The following GRAMD4 variants were observed in gnomAD, a reference collection of about 807,000 sequenced individuals.
GRAMD4 encodes the protein GRAM domain containing 4.
A neutral mutation model predicts 83.9 loss-of-function variants in GRAMD4; 25 were observed. The observed-to-expected ratio is 0.30, with a 90% CI of 0.22 to 0.42. The LOEUF (loss-of-function observed/expected upper bound fraction) is 0.42, where lower values mean the gene tolerates loss of function less well. GRAMD4 is among the 10% of genes least tolerant of loss of function. GRAMD4 has a pLI of 1.00. For synonymous variants in GRAMD4, 336 were observed against 320.9 expected, an observed-to-expected ratio of 1.05 and a Z score of -0.50; for missense variants, 593 against 788.7, an observed-to-expected ratio of 0.75 and a Z score of 2.97.
intron 1 of GRAMD4, among the ~76,000 whole-genome samples, chr22:46,577,500 C>T (rs2147881197): frequency 6.6e-6 from 1 of 150,992 alleles, no homozygotes; most frequent in Non-Finnish European, 1.5e-5. Context: ...GTCACGGCTG[C>T]TCCCCGCGGG....
intron 1 of GRAMD4, among the ~76,000 whole-genome samples, chr22:46,601,312 C>T (rs146876654): frequency 6.6e-6 from 1 of 152,082 alleles, no homozygotes; most frequent in Non-Finnish European, 1.5e-5. Context: ...GAAAGGCAAG[C>T]AGCATTTTAG....
At chr22:46,628,045 C>T (rs1007619425) in intron 2 of GRAMD4, among the ~76,000 whole-genome samples, 6 of 152,196 alleles carry the variant, frequency 3.9e-5, no homozygotes, top group African/African-American at 9.6e-5. Flanking sequence ...GTGTCTCATC[C>T]GCCTCTGGCT....
At chr22:46,641,538 G>A (rs577773305) in intron 3 of GRAMD4, among the ~76,000 whole-genome samples, 3 of 152,294 alleles carry the variant, frequency 2.0e-5, no homozygotes, top group South Asian at 2.1e-4. Flanking sequence ...TTGACCCTGC[G>A]GGTTCTCTGC....
intron 1 of GRAMD4, among the ~76,000 whole-genome samples, chr22:46,585,696 TG>T (rs1334936962): frequency 6.6e-6 from 1 of 151,990 alleles, no homozygotes. Context: ...AGGGAGCTTG[TG>T]GGAGGTGGAA....
At position 46,661,537 on chromosome 22, in the gene GRAMD4, A is replaced by G. The variant is rs1299603089; in HGVS notation, c.466+95A>G. On this transcript the variant is annotated intron_variant, in intron 5 of 18. Transcript: ENST00000406902. ...TAGGCCCAGGTTAACAATGGAGCAG[A>G]TACCCCCTCCCCCAGCAGGTGGGCA... 6 of 872,772 alleles carry G rather than the reference A, an allele frequency of 6.9e-6. No homozygotes were observed. The East Asian group carries it at 1.5e-4, about 22-fold the overall frequency. The allele number at this position is 872,772 out of a possible 1,614,324, so 54.1% of individuals were successfully genotyped here. A position where few individuals can be genotyped will look rare whatever the true frequency, so the allele number is the denominator to read the frequency against.
intron 2 of GRAMD4, among the ~76,000 whole-genome samples, chr22:46,633,246 C>T (rs2081803661): frequency 6.6e-6 from 1 of 152,248 alleles, no homozygotes; most frequent in African/African-American, 2.4e-5. Context: ...GTGGGCCTTC[C>T]TCCCCTGACC....
In GRAMD4 at chr22:46,679,397, G is replaced by A. The variant is rs191689883; in HGVS notation, c.*2146G>A. ...TCGGGGAGCGGGGGGTCGGGGGAGGGCCACCGACTGGCTCTGCTGCCAGCA... is the reference window on the plus strand; with the variant it reads ...TCGGGGAGCGGGGGGTCGGGGGAGGACCACCGACTGGCTCTGCTGCCAGCA... On this transcript the variant is annotated 3_prime_UTR_variant, in exon 19 of 19. Transcript: ENST00000406902. 1.3e-5 allele frequency: 13 copies of A among 985,410 alleles called. No individual in the cohort carries two copies. The African/African-American group carries it at 2.3e-4, about 17-fold the overall frequency. The allele number at this position is 985,410 out of a possible 1,614,324, so 61.0% of individuals were successfully genotyped here.
chr22:46,669,649 C>T (rs944285004), intron 13 of GRAMD4, among the ~76,000 whole-genome samples: 14 of 151,104 alleles, frequency 9.3e-5, no homozygotes, highest in African/African-American at 1.5e-4. Flanking sequence ...GATCTCGGCT[C>T]ACTGCAACCT....
At chr22:46,663,545 C>A (rs1038478991) in intron 6 of GRAMD4, among the ~76,000 whole-genome samples, 10 of 152,210 alleles carry the variant, frequency 6.6e-5, no homozygotes, top group Non-Finnish European at 1.5e-4. Flanking sequence ...GCTAGGTCAG[C>A]AAAGGCCCTG....
chr22:46,584,359 C>T (rs1389544262), intron 1 of GRAMD4, among the ~76,000 whole-genome samples: 1 of 152,134 alleles, frequency 6.6e-6, no homozygotes, highest in Admixed American at 6.6e-5. Flanking sequence ...AGCTGACGCG[C>T]ACATATGTAC....
intron 1 of GRAMD4, among the ~76,000 whole-genome samples, chr22:46,591,764 C>T (rs555774407): frequency 2.2e-5 from 3 of 136,856 alleles, no homozygotes; most frequent in South Asian, 2.4e-4. Flanking sequence ...ACTCGGGAGA[C>T]GGAGGTTGCA....
At chr22:46,679,959 G>A (rs561589689), downstream of GRAMD4, among the ~76,000 whole-genome samples, 1 of 152,358 alleles carries the variant, frequency 6.6e-6, no homozygotes, top group East Asian at 1.9e-4. Flanking sequence ...GACGGCTGTG[G>A]GGTGAGGTGG....
At chr22:46,591,572 C>T (rs921526963) in intron 1 of GRAMD4, among the ~76,000 whole-genome samples, 2 of 151,256 alleles carry the variant, frequency 1.3e-5, no homozygotes, top group Non-Finnish European at 3.0e-5. Context: ...CGGTGCCTCA[C>T]GCCTGTAATC....
intron 3 of GRAMD4, among the ~76,000 whole-genome samples, chr22:46,650,596 C>T (rs2082151971): frequency 6.6e-6 from 1 of 152,230 alleles, no homozygotes; most frequent in Non-Finnish European, 1.5e-5. Context: ...GTGGTTGTCC[C>T]TGCCCTTCTC....
intron 3 of GRAMD4, among the ~76,000 whole-genome samples, chr22:46,639,058 G>A (rs2081933715): frequency 6.6e-6 from 1 of 152,242 alleles, no homozygotes; most frequent in Non-Finnish European, 1.5e-5. Flanking sequence ...TAGTGAGCCT[G>A]TGTATGTACA....
intron 1 of GRAMD4, among the ~76,000 whole-genome samples, chr22:46,593,287 CA>C (rs1383455175): frequency 3.3e-5 from 5 of 152,062 alleles, no homozygotes; most frequent in African/African-American, 1.2e-4. Context: ...CCCGGAACCT[CA>C]CATCAAGCAG....
chr22:46,630,952 C>CCTCAGTG, intron 2 of GRAMD4, among the ~76,000 whole-genome samples: 2 of 149,770 alleles, frequency 1.3e-5, no homozygotes, highest in African/African-American at 4.9e-5. Context: ...ACCCCGGCCT[C>CCTCAGTG]TGCAGTGTGC....
chr22:46,618,066 G>A (rs1254918866), upstream of GRAMD4, among the ~76,000 whole-genome samples: 3 of 152,166 alleles, frequency 2.0e-5, no homozygotes, highest in Non-Finnish European at 4.4e-5. The surrounding 1 kb of genome is among the most constrained non-coding windows in gnomAD (Gnocchi z 5.8). Flanking sequence ...GCTGGTGGCT[G>A]CGGGCTCAGG....
chr22:46,605,177 T>G (rs1029182415), intron 1 of GRAMD4, among the ~76,000 whole-genome samples: 65 of 152,060 alleles, frequency 4.3e-4, no homozygotes, highest in African/African-American at 1.6e-3. Context: ...CATAATGTTC[T>G]CCGGGTTCAC....
Sources: gnomAD v4.1 joint callset for allele counts (sites outside exome capture counted in the v4.1 genomes callset) on GRCh38, gnomAD v4.1.1 for gene constraint, Gnocchi (gnomAD v3.1) non-coding constraint, MANE v1.5 for transcripts, NCBI Gene and HGNC (gene_info 2026-07-23, HGNC 2026-07-21) for gene names.